The following ZBED3 variants were observed in gnomAD, a reference collection of about 807,000 sequenced individuals.
The protein encoded by ZBED3 is zinc finger BED-type containing 3, also known as zinc finger BED domain-containing protein 3.
For missense variants in ZBED3, 388 were observed against 362.9 expected, an observed-to-expected ratio of 1.07 and a Z score of -0.56; for synonymous variants, 175 against 180.0, an observed-to-expected ratio of 0.97 and a Z score of 0.22.
chr5:77,084,447 G>C (rs1160458413), intron 1 of ZBED3, among the ~76,000 whole-genome samples: 2 of 152,186 alleles, frequency 1.3e-5, no homozygotes. Context: ...CCGCAGCCAG[G>C]TAAGAAGTGC....
chr5:77,075,969 A>ATATATATATATG lies in ZBED3; in HGVS notation c.*1204_*1205insCATATATATATA, dbSNP rs1380894446. ...CATATATATATATATATATATATGTATATGTATATATGTATATATATATGT... is the reference window on the plus strand; with the variant it reads ...CATATATATATATATATATATATGTATATATATATATGTATGTATATATGTATATATATATGT... On this transcript the variant is annotated 3_prime_UTR_variant, in exon 3 of 3. Transcript: ENST00000255198. 0.013 allele frequency: 259 copies of ATATATATATATG among 20,134 alleles called. 52 individuals are homozygous for ATATATATATATG. Among genetic ancestry groups the ATATATATATATG allele is most frequent in the African/African-American group, 0.032 (148 of 4,626 alleles). The allele number at this position is 20,134 out of a possible 1,614,324, so 1.2% of individuals were successfully genotyped here. A position where few individuals can be genotyped will look rare whatever the true frequency, so the allele number is the denominator to read the frequency against.
At chr5:77,077,964 C>G (rs1331186679) in intron 2 of ZBED3, 69 bp from the exon 3 acceptor site, 2 of 1,121,404 alleles carry the variant, frequency 1.8e-6, no homozygotes, top group Non-Finnish European at 2.2e-6. Context: ...TACAGTTAGC[C>G]TAAGAAACCA....
chr5:77,078,476 T>G (rs1480273124), intron 2 of ZBED3, 118 bp downstream of exon 2: 3 of 152,246 alleles, frequency 2.0e-5, no homozygotes, highest in African/African-American at 7.2e-5. Flanking sequence ...TAAAAATATG[T>G]TTTTGTGATT....
At position 77,072,949 on chromosome 5, in the gene ZBED3, G is replaced by A. The variant is rs1327498619; in HGVS notation, c.*4225C>T. On this transcript the variant is annotated 3_prime_UTR_variant, in exon 3 of 3. Coordinates refer to ENST00000255198, the MANE Select transcript of ZBED3 (RefSeq NM_032367.4). Reference sequence around the variant, plus strand: ...AACCTATTTTCCTAATCTATCAAATGATGGAGTTGGACTGAACAAGGGCTG... The same window carrying A: ...AACCTATTTTCCTAATCTATCAAATAATGGAGTTGGACTGAACAAGGGCTG... The A allele has an allele frequency of 6.6e-6, 1 of 152,200 alleles. No individual in the cohort carries two copies. The allele number at this position is 152,200 out of a possible 1,614,324, so 9.4% of individuals were successfully genotyped here. A position where few individuals can be genotyped will look rare whatever the true frequency, so the allele number is the denominator to read the frequency against.
rs911403053 is a variant in ZBED3, at chr5:77,077,503, C to T, written c.376G>A (p.Glu126Lys). ...PPPPGPAAAP[E>K]GDWARLLEQM... ...TCCAGCAGGCGCGCCCAGTCGCCCT[C>T]GGGGGCCGCAGCGGGGCCGGGCGGC... Residue 126 changes from glutamate (E) to lysine (K), a missense_variant, in exon 3 of 3, where the codon GAG (glutamate) becomes AAG (lysine). Glu to Lys is a moderately conservative substitution (Grantham distance 56). Coordinates refer to ENST00000255198, the MANE Select transcript of ZBED3 (RefSeq NM_032367.4). 1.0e-4 allele frequency: 119 copies of T among 1,193,066 alleles called. No homozygotes were observed. The highest frequency in any genetic ancestry group is 1.2e-4 in the Non-Finnish European group (113 of 966,070). The allele number at this position is 1,193,066 out of a possible 1,614,324, so 73.9% of individuals were successfully genotyped here.
chr5:77,081,215 GA>G (rs1469650244), intron 1 of ZBED3, among the ~76,000 whole-genome samples: 1 of 151,974 alleles, frequency 6.6e-6, no homozygotes, highest in Non-Finnish European at 1.5e-5. Context: ...ATCACACCAA[GA>G]AACATTAAGA....
At position 77,075,472 on chromosome 5, in the gene ZBED3, T is replaced by A. The variant is rs563408814; in HGVS notation, c.*1702A>T. The A allele has an allele frequency of 6.6e-6, 1 of 152,216 alleles. No individual in the cohort carries two copies. Among genetic ancestry groups the A allele is most frequent in the Non-Finnish European group, 1.5e-5 (1 of 68,034 alleles). 9.4% of individuals were successfully genotyped at this position (152,216 alleles called of 1,614,324 possible). A position where few individuals can be genotyped will look rare whatever the true frequency, so the allele number is the denominator to read the frequency against. On this transcript the variant is annotated 3_prime_UTR_variant, in exon 3 of 3. Transcript: ENST00000255198. ...AAGTTACTGTTTATATTTTTAGGCA[T>A]GATCATCTTAATGTAATCATGTAGA...
Position 77,077,264 on chromosome 5 carries a change from G to A in ZBED3, c.615C>T (p.Ala205=), listed in dbSNP as rs760528361. The change falls in exon 3 of 3, where the codon GCC becomes GCT. Residue 205 remains alanine, a synonymous_variant. Coordinates refer to ENST00000255198, the MANE Select transcript of ZBED3 (RefSeq NM_032367.4). ...GCGGCGCAGCGGGGGCCCAGCCCAG[G>A]GCGCCCTCACGGCGGCTCACATCCC... The part of the protein sequence containing the change: ...RLRDVSRREG[A]LGWAPAAPPP... 12 of 1,442,210 alleles carry A rather than the reference G, an allele frequency of 8.3e-6. No individual in the cohort carries two copies. Among genetic ancestry groups the A allele is most frequent in the Admixed American group, 2.6e-5 (1 of 38,242 alleles). 89.3% of individuals were successfully genotyped at this position (1,442,210 alleles called of 1,614,324 possible).
chr5:77,077,103 C>A lies in ZBED3; in HGVS notation c.*71G>T. 8.4e-7 allele frequency: 1 copy of A among 1,187,020 alleles called. No homozygotes were observed. Among genetic ancestry groups the A allele is most frequent in the South Asian group, 2.8e-5 (1 of 36,204 alleles). 73.5% of individuals were successfully genotyped at this position (1,187,020 alleles called of 1,614,324 possible). ...GCCTGGCTTCGGTTACGGCTTCGGT[C>A]CCAGCGGGGTCTGAAGGCATTGGCA... On this transcript the variant is annotated 3_prime_UTR_variant, in exon 3 of 3. Coordinates refer to ENST00000255198, the MANE Select transcript of ZBED3 (RefSeq NM_032367.4).
At chr5:77,079,950 T>C (rs1417890478) in intron 1 of ZBED3, among the ~76,000 whole-genome samples, 1 of 152,248 alleles carries the variant, frequency 6.6e-6, no homozygotes, top group Admixed American at 6.5e-5. Flanking sequence ...ACTTTTTTCT[T>C]TTTTAAAATT....
Position 77,077,449 on chromosome 5 carries a change from T to G in ZBED3, c.430A>C (p.Ser144Arg), listed in dbSNP as rs1580145662. 1.7e-6 allele frequency: 2 copies of G among 1,211,482 alleles called. No individual in the cohort carries two copies. The highest frequency in any genetic ancestry group is 2.1e-6 in the Non-Finnish European group (2 of 974,468). 75.0% of individuals were successfully genotyped at this position (1,211,482 alleles called of 1,614,324 possible). A position where few individuals can be genotyped will look rare whatever the true frequency, so the allele number is the denominator to read the frequency against. The change falls in exon 3 of 3, where the codon AGC becomes CGC. Residue 144 changes from serine to arginine, a missense_variant. Ser to Arg is a moderately radical substitution (Grantham distance 110, BLOSUM62 -1). Transcript: ENST00000255198. ...EQMGALAVRG[S>R]RRERELERRE... The stretch of plus-strand genomic sequence containing the variant: ...CGCTCCAGCTCCCGCTCCCGCCGGC[T>G]GCCGCGCACGGCCAGCGCGCCCATC...
chr5:77,081,871 A>C (rs1000412859), intron 1 of ZBED3, among the ~76,000 whole-genome samples: 1 of 152,202 alleles, frequency 6.6e-6, no homozygotes, highest in Admixed American at 6.5e-5. Context: ...GAGGAATGTC[A>C]CATAGTCTCT....
chr5:77,072,498 TAA>T lies in ZBED3; in HGVS notation c.*4674_*4675del, dbSNP rs1742906143. On this transcript the variant is annotated 3_prime_UTR_variant, in exon 3 of 3. Coordinates refer to ENST00000255198, the MANE Select transcript of ZBED3 (RefSeq NM_032367.4). ...ATGTGCTAGGGACTCATGGCCACTC[TAA>T]AAGAGGAGTTCCAGAAATGTTGAAG... 1 of 152,188 alleles carries T rather than the reference TAA, an allele frequency of 6.6e-6. No homozygotes were observed. The highest frequency in any genetic ancestry group is 2.4e-5 in the African/African-American group (1 of 41,442). 9.4% of individuals were successfully genotyped at this position (152,188 alleles called of 1,614,324 possible).
intron 1 of ZBED3, among the ~76,000 whole-genome samples, chr5:77,083,963 G>T (rs945922368): frequency 7.2e-5 from 11 of 152,234 alleles, no homozygotes; most frequent in African/African-American, 2.6e-4. Flanking sequence ...TCTGTGGTTA[G>T]CTAATAAGAA....
intron 1 of ZBED3, chr5:77,080,386 C>T (rs1268283896): frequency 2.3e-6 from 1 of 439,494 alleles, no homozygotes; most frequent in South Asian, 1.7e-5. Flanking sequence ...TGTCTTAATC[C>T]TTTTGACCTA....
intron 1 of ZBED3, among the ~76,000 whole-genome samples, chr5:77,083,544 CATAG>C (rs762546705): frequency 2.0e-5 from 3 of 152,162 alleles, no homozygotes; most frequent in Non-Finnish European, 2.9e-5. Flanking sequence ...TGGCTGAGAT[CATAG>C]ATAGTGCAAA....
At chr5:77,079,924 C>G (rs1743096398) in intron 1 of ZBED3, among the ~76,000 whole-genome samples, 1 of 152,132 alleles carries the variant, frequency 6.6e-6, no homozygotes. Flanking sequence ...CTAACTTTAC[C>G]TAAAATTTTT....
rs1354665881 is a variant in ZBED3 at position 77,072,540 on chromosome 5, CTG to C, written c.*4632_*4633del. The C allele has an allele frequency of 7.2e-5, 11 of 152,198 alleles. No homozygotes were observed. The highest frequency in any genetic ancestry group is 2.4e-4 in the African/African-American group (10 of 41,438). The allele number at this position is 152,198 out of a possible 1,614,324, so 9.4% of individuals were successfully genotyped here. On this transcript the variant is annotated 3_prime_UTR_variant, in exon 3 of 3. Transcript: ENST00000255198. The stretch of plus-strand genomic sequence containing the variant: ...AAATGTTGAAGCATTTTGGGAATAA[CTG>C]TATAGTCTTCCAGGTCTTCTACTTT...
At chr5:77,077,935 A>G in intron 2 of ZBED3, 40 bp from the exon 3 acceptor site, 1 of 1,214,056 alleles carries the variant, frequency 8.2e-7, no homozygotes, top group South Asian at 3.9e-5. Flanking sequence ...TGTTAGGATC[A>G]CGCACACAGC....
Sources: allele counts gnomAD v4.1 joint callset (sites outside exome capture counted in the v4.1 genomes callset), GRCh38; gene constraint gnomAD v4.1.1; transcripts MANE v1.5; gene names NCBI Gene and HGNC (gene_info 2026-07-23, HGNC 2026-07-21).